Variants in EPB41L3 observed in about 807,000 individuals in gnomAD.
EPB41L3 encodes the protein band 4.1-like protein 3.
EPB41L3 carries 57 observed loss-of-function variants against 127.1 expected under a neutral mutation model. That is an observed-to-expected ratio of 0.45 (90% CI 0.36 to 0.56). The LOEUF (loss-of-function observed/expected upper bound fraction) is 0.56. EPB41L3 is among the 20% of genes least tolerant of loss of function. The pLI is 0.00. For synonymous variants in EPB41L3, 572 were observed against 549.5 expected (o/e 1.04, Z -0.57); for missense variants, 1,273 against 1,372.2 (o/e 0.93, Z 1.14).
intron 2 of EPB41L3, among the ~76,000 whole-genome samples, chr18:5,480,477 C>T (rs576312255): frequency 4.3e-4 from 66 of 152,256 alleles, no homozygotes; most frequent in Non-Finnish European, 7.1e-4. Flanking sequence ...GCCTAAGAAA[C>T]TCTTGAGGCA....
rs528071416 is a variant in EPB41L3 at position 5,627,700 on chromosome 18, C to T, written c.-468+1222G>A. The stretch of plus-strand genomic sequence containing the variant: ...TACACAAACATTTGTTGAACACCTA[C>T]TAAATGCCAGACTCTGGGAATAAAA... On this transcript the variant is annotated intron_variant, in intron 1 of 21. Transcript: ENST00000545076. 2.0e-5 allele frequency among the ~76,000 whole-genome samples: 3 copies of T among 152,306 alleles called. No individual in the cohort carries two copies. In the East Asian group the frequency reaches 5.8e-4, roughly 29 times the overall value.
intron 1 of EPB41L3, among the ~76,000 whole-genome samples, chr18:5,529,727 C>T (rs1463655961): frequency 6.6e-6 from 1 of 152,152 alleles, no homozygotes; most frequent in Non-Finnish European, 1.5e-5. Flanking sequence ...CTTTACTCTG[C>T]CCTCTCTCTA....
chr18:5,405,878 T>TA (rs766187302), intron 16 of EPB41L3, among the ~76,000 whole-genome samples: 16 of 147,906 alleles, frequency 1.1e-4, no homozygotes, highest in South Asian at 2.1e-4. Context: ...TAACCTTACT[T>TA]AAAAAAAAAA....
At chr18:5,598,438 CAT>C (rs1478633965) in intron 3 of EPB41L3, among the ~76,000 whole-genome samples, 1 of 152,034 alleles carries the variant, frequency 6.6e-6, no homozygotes, top group Non-Finnish European at 1.5e-5. Context: ...TTTATGTTAA[CAT>C]GTAATGGTTT....
At chr18:5,536,502 TAAA>T (rs201022441) in intron 1 of EPB41L3, among the ~76,000 whole-genome samples, 9 of 144,986 alleles carry the variant, frequency 6.2e-5, no homozygotes, top group African/African-American at 1.8e-4. Context: ...CTGTTACATT[TAAA>T]AAAAAAAAAA....
At chr18:5,596,117 C>T (rs1325235926) in intron 3 of EPB41L3, among the ~76,000 whole-genome samples, 7 of 152,336 alleles carry the variant, frequency 4.6e-5, no homozygotes, top group Non-Finnish European at 8.8e-5. Flanking sequence ...GAATATTTCT[C>T]TGTTCGGATT....
intron 1 of EPB41L3, among the ~76,000 whole-genome samples, chr18:5,522,091 G>GTTATTTATTTAT (rs149542636): frequency 2.0e-5 from 3 of 151,594 alleles, no homozygotes; most frequent in Non-Finnish European, 4.4e-5. Context: ...ATGCCAAATC[G>GTTATTTATTTAT]TTATTTATTT....
At chr18:5,453,258 T>G in intron 3 of EPB41L3, among the ~76,000 whole-genome samples, 1 of 152,272 alleles carries the variant, frequency 6.6e-6, no homozygotes, top group East Asian at 1.9e-4. Context: ...ATCTGTCAAG[T>G]CAAAAACTGT....
At chr18:5,485,607 C>T (rs1034467992) in intron 2 of EPB41L3, among the ~76,000 whole-genome samples, 2 of 151,886 alleles carry the variant, frequency 1.3e-5, no homozygotes, top group Admixed American at 6.6e-5. Context: ...AAAGACTCCA[C>T]CAAAAAACTG....
chr18:5,589,475 A>G (rs544010051), intron 3 of EPB41L3, among the ~76,000 whole-genome samples: 2 of 152,312 alleles, frequency 1.3e-5, no homozygotes, highest in South Asian at 4.1e-4. Context: ...TTTTTTGATC[A>G]TGTGGCTATA....
rs200724817 is a variant in EPB41L3, at chr18:5,424,404, A to G, written c.1066-45T>C. On this transcript the variant is annotated intron_variant, in intron 9 of 22. Coordinates refer to ENST00000341928, the MANE Select transcript of EPB41L3 (RefSeq NM_012307.5). The stretch of plus-strand genomic sequence containing the variant: ...TTGAAGAGTAAAGTTTAAAATTATA[A>G]ATAACAGAAGCCCTGTAAATAAATT... 7.0e-5 allele frequency: 101 copies of G among 1,448,370 alleles called. No individual in the cohort carries two copies. The African/African-American group carries it at 1.3e-3, about 19-fold the overall frequency. The allele number at this position is 1,448,370 out of a possible 1,614,324, so 89.7% of individuals were successfully genotyped here. A position where few individuals can be genotyped will look rare whatever the true frequency, so the allele number is the denominator to read the frequency against.
At chr18:5,469,700 A>C (rs936614546) in intron 3 of EPB41L3, among the ~76,000 whole-genome samples, 1 of 152,242 alleles carries the variant, frequency 6.6e-6, no homozygotes, top group East Asian at 1.9e-4. Flanking sequence ...ATCCTGTGAC[A>C]CTACTAAAAC....
At chr18:5,610,863 ATT>A (rs1468048080) in intron 3 of EPB41L3, among the ~76,000 whole-genome samples, 1 of 152,334 alleles carries the variant, frequency 6.6e-6, no homozygotes, top group Non-Finnish European at 1.5e-5. Flanking sequence ...TCTAGGATGC[ATT>A]GTTTTTTAAT....
chr18:5,393,579 T>C, intron 22 of EPB41L3, 101 bp from the exon 23 acceptor site: 1 of 670,962 alleles, frequency 1.5e-6, no homozygotes, highest in Non-Finnish European at 2.7e-6. Flanking sequence ...AGAATGCTCG[T>C]TTGGACAAGA....
Position 5,397,885 on chromosome 18 carries a change from G to T in EPB41L3, c.2472+136C>A. ...ACAGATATGCCAAGCAGACACAAAG[G>T]ACAATAAGTGAAGACACCTTTGAGA... On this transcript the variant is annotated intron_variant, in intron 17 of 22. Coordinates refer to ENST00000341928, the MANE Select transcript of EPB41L3 (RefSeq NM_012307.5). The surrounding 1 kb of genome is among the most constrained non-coding windows in gnomAD (Gnocchi z 4.1). 1 of 969,696 alleles carries T rather than the reference G, an allele frequency of 1.0e-6. No individual in the cohort carries two copies. The highest frequency in any genetic ancestry group is 1.6e-6 in the Non-Finnish European group (1 of 633,158). 60.1% of individuals were successfully genotyped at this position (969,696 alleles called of 1,614,324 possible).
intron 1 of EPB41L3, among the ~76,000 whole-genome samples, chr18:5,533,710 G>C (rs959915328): frequency 6.6e-6 from 1 of 152,120 alleles, no homozygotes. Context: ...TAAGAGCTAC[G>C]TACTTTCACT....
At chr18:5,542,130 A>T (rs553230040) in intron 1 of EPB41L3, among the ~76,000 whole-genome samples, 15 of 152,236 alleles carry the variant, frequency 9.9e-5, no homozygotes, top group Non-Finnish European at 2.2e-4. Flanking sequence ...AAAGTTTGAT[A>T]CCAAAATTAA....
At chr18:5,575,218 C>T (rs897169329) in intron 3 of EPB41L3, among the ~76,000 whole-genome samples, 1 of 152,076 alleles carries the variant, frequency 6.6e-6, no homozygotes, top group Non-Finnish European at 1.5e-5. Context: ...GTCTTAATAT[C>T]CTTACCTATA....
At chr18:5,608,672 G>A (rs1158192384) in intron 3 of EPB41L3, among the ~76,000 whole-genome samples, 1 of 152,066 alleles carries the variant, frequency 6.6e-6, no homozygotes, top group African/African-American at 2.4e-5. Context: ...ATTATTACTG[G>A]AAGAGAAAAT....
Sources: gnomAD v4.1 joint callset for allele counts (sites outside exome capture counted in the v4.1 genomes callset) on GRCh38, gnomAD v4.1.1 for gene constraint, Gnocchi (gnomAD v3.1) non-coding constraint, MANE v1.5 for transcripts, NCBI Gene and HGNC (gene_info 2026-07-23, HGNC 2026-07-21) for gene names.